The following RCAN2 variants were observed in gnomAD, a reference collection of about 807,000 sequenced individuals.
RCAN2 encodes the protein calcipressin-2.
A neutral mutation model predicts 23.6 loss-of-function variants in RCAN2; 9 were observed. That is an observed-to-expected ratio of 0.38 (90% CI 0.23 to 0.67). The LOEUF is 0.67. Among genes scored for constraint, RCAN2 ranks in the 30% least tolerant of loss-of-function variants. The probability of loss-of-function intolerance (pLI) is 0.51; values close to 1 mark genes in which losing one functional copy is unlikely to be tolerated. For missense variants in RCAN2, 273 were observed against 302.3 expected (o/e 0.90, Z 0.72); for synonymous variants, 109 against 115.7 (o/e 0.94, Z 0.37).
chr6:46,420,143 A>T (rs1406596321), intron 2 of RCAN2, among the ~76,000 whole-genome samples: 1 of 152,160 alleles, frequency 6.6e-6, no homozygotes, highest in Non-Finnish European at 1.5e-5. Context: ...TAAACAGAGT[A>T]CAGATTATAA....
intron 2 of RCAN2, among the ~76,000 whole-genome samples, chr6:46,400,834 A>C (rs894469383): frequency 4.6e-5 from 7 of 152,180 alleles, no homozygotes; most frequent in African/African-American, 1.7e-4. Context: ...CTGGGTCTCT[A>C]TCTTGGTTGC....
rs747640016 is a variant in RCAN2 at position 46,248,718 on chromosome 6, C to T, written c.399+5G>A. 4 of 1,587,566 alleles carry T rather than the reference C, an allele frequency of 2.5e-6. No homozygotes were observed. The highest frequency in any genetic ancestry group is 3.4e-6 in the Non-Finnish European group (4 of 1,168,504). On this transcript the variant is annotated splice_donor_5th_base_variant and intron_variant, in intron 3 of 4. Coordinates refer to ENST00000371374, the MANE Select transcript of RCAN2 (RefSeq NM_001251974.2). Reference sequence around the variant, plus strand: ...AAGAATAACTTTGGTAAACAATTACCTTACCTGTGCAAAGTAGAGCTTTAA... The same window carrying T: ...AAGAATAACTTTGGTAAACAATTACTTTACCTGTGCAAAGTAGAGCTTTAA...
At chr6:46,445,215 C>T (rs1403952491) in intron 2 of RCAN2, among the ~76,000 whole-genome samples, 1 of 152,224 alleles carries the variant, frequency 6.6e-6, no homozygotes, top group African/African-American at 2.4e-5. Context: ...GGCTCTAGGC[C>T]TGTCCTTATG....
At chr6:46,489,726 A>C (rs1561925851) in intron 1 of RCAN2, among the ~76,000 whole-genome samples, 1 of 152,228 alleles carries the variant, frequency 6.6e-6, no homozygotes, top group Non-Finnish European at 1.5e-5. Flanking sequence ...AGAATCATGT[A>C]GCTTTAGATG....
At chr6:46,282,805 A>C (rs1762246985) in intron 2 of RCAN2, among the ~76,000 whole-genome samples, 1 of 152,184 alleles carries the variant, frequency 6.6e-6, no homozygotes, top group Admixed American at 6.5e-5. Flanking sequence ...AAATAGTTTT[A>C]CACCTTTCCA....
At chr6:46,480,810 G>A (rs1768839447) in intron 1 of RCAN2, among the ~76,000 whole-genome samples, 1 of 152,146 alleles carries the variant, frequency 6.6e-6, no homozygotes, top group Non-Finnish European at 1.5e-5. Flanking sequence ...TTTTAGTAGA[G>A]ACAGGGTTTC....
chr6:46,323,982 G>C (rs191904509), intron 2 of RCAN2, among the ~76,000 whole-genome samples: 2 of 152,330 alleles, frequency 1.3e-5, no homozygotes, highest in Admixed American at 1.3e-4. Flanking sequence ...ACAGAAGGGA[G>C]CTGTGAAGTT....
chr6:46,368,374 T>A (rs1393945941), intron 2 of RCAN2, among the ~76,000 whole-genome samples: 2 of 152,196 alleles, frequency 1.3e-5, no homozygotes, highest in Non-Finnish European at 2.9e-5. Context: ...TCAAGCTCCA[T>A]ACGATAGCTC....
At chr6:46,371,283 T>C (rs1765312749) in intron 2 of RCAN2, among the ~76,000 whole-genome samples, 1 of 152,204 alleles carries the variant, frequency 6.6e-6, no homozygotes, top group African/African-American at 2.4e-5. Flanking sequence ...AAAAATGGTA[T>C]ATTTTTTTAA....
chr6:46,407,095 G>A (rs374896432), intron 2 of RCAN2, among the ~76,000 whole-genome samples: 3 of 152,210 alleles, frequency 2.0e-5, no homozygotes, highest in African/African-American at 7.2e-5. Flanking sequence ...GCATTCAGGG[G>A]CTATTTTCCT....
chr6:46,446,907 G>A (rs1215858818), intron 2 of RCAN2, among the ~76,000 whole-genome samples: 2 of 151,954 alleles, frequency 1.3e-5, no homozygotes, highest in Non-Finnish European at 2.9e-5. Context: ...TTCTCTCACA[G>A]TAAGAGAGAA....
intron 2 of RCAN2, among the ~76,000 whole-genome samples, chr6:46,304,058 C>G (rs1762991442): frequency 6.6e-6 from 1 of 152,152 alleles, no homozygotes; most frequent in Non-Finnish European, 1.5e-5. Flanking sequence ...TGCCCTCCCA[C>G]TGGCAACACA....
At chr6:46,286,450 A>C (rs898601371) in intron 2 of RCAN2, among the ~76,000 whole-genome samples, 3 of 152,240 alleles carry the variant, frequency 2.0e-5, no homozygotes, top group Non-Finnish European at 2.9e-5. Context: ...TAAGGATATA[A>C]AATTTCCCAC....
intron 2 of RCAN2, among the ~76,000 whole-genome samples, chr6:46,331,400 T>C (rs1582112299): frequency 6.6e-6 from 1 of 152,234 alleles, no homozygotes; most frequent in Admixed American, 6.5e-5. Flanking sequence ...TAGGAATTCA[T>C]GGATTAAACA....
chr6:46,369,463 T>C (rs1765268251), intron 2 of RCAN2, among the ~76,000 whole-genome samples: 1 of 152,210 alleles, frequency 6.6e-6, no homozygotes, highest in Non-Finnish European at 1.5e-5. Context: ...TGTTTGTTTA[T>C]ACTAGCATCA....
At chr6:46,233,721 CTTT>C (rs1240948992) in intron 4 of RCAN2, among the ~76,000 whole-genome samples, 1 of 130,762 alleles carries the variant, frequency 7.6e-6, no homozygotes, top group Admixed American at 7.8e-5. Context: ...AAGAACACTT[CTTT>C]TTTTTTTTTT....
At chr6:46,358,808 A>G (rs976989463) in intron 2 of RCAN2, among the ~76,000 whole-genome samples, 1 of 152,130 alleles carries the variant, frequency 6.6e-6, no homozygotes. Flanking sequence ...AAAAATCCCA[A>G]TGCCCAGGCT....
chr6:46,332,767 A>G (rs1764020884), intron 2 of RCAN2, among the ~76,000 whole-genome samples: 1 of 152,100 alleles, frequency 6.6e-6, no homozygotes, highest in African/African-American at 2.4e-5. Flanking sequence ...TGCAATAAAC[A>G]TATGTGTGCA....
At chr6:46,406,502 C>G (rs1766410959) in intron 2 of RCAN2, among the ~76,000 whole-genome samples, 1 of 152,204 alleles carries the variant, frequency 6.6e-6, no homozygotes, top group African/African-American at 2.4e-5. Flanking sequence ...TTGGTTCAGT[C>G]CTCACTGATC....
Sources: allele counts gnomAD v4.1 joint callset (sites outside exome capture counted in the v4.1 genomes callset), GRCh38; gene constraint gnomAD v4.1.1; transcripts MANE v1.5; gene names NCBI Gene and HGNC (gene_info 2026-07-23, HGNC 2026-07-21).